The following DOCK4 variants were observed in gnomAD, a reference collection of about 807,000 sequenced individuals.
The protein encoded by DOCK4 is dedicator of cytokinesis 4.
In DOCK4, 97 loss-of-function variants were observed where a neutral mutation model predicts 268.1. The observed-to-expected ratio is 0.36, with a 90% CI of 0.31 to 0.43. The LOEUF (loss-of-function observed/expected upper bound fraction) is 0.43, where lower values mean the gene tolerates loss of function less well. Ranked by LOEUF, DOCK4 falls within the 20% of genes least tolerant of loss-of-function variation. The pLI is 1.00. For synonymous variants in DOCK4, 954 were observed against 887.2 expected (o/e 1.08, Z -1.34); for missense variants, 2,145 against 2,455.7 (o/e 0.87, Z 2.67).
At chr7:112,172,958 A>C (rs2116619965) in intron 1 of DOCK4, among the ~76,000 whole-genome samples, 1 of 152,318 alleles carries the variant, frequency 6.6e-6, no homozygotes, top group Non-Finnish European at 1.5e-5. Context: ...AACCCACAGG[A>C]TACAGTCTCA....
chr7:111,877,559 T>C (rs1303066894), intron 16 of DOCK4, among the ~76,000 whole-genome samples: 2 of 152,228 alleles, frequency 1.3e-5, no homozygotes, highest in Non-Finnish European at 2.9e-5. Flanking sequence ...TAAATCATAT[T>C]TGCAGTGACC....
chr7:111,732,690 A>G (rs902322343), intron 51 of DOCK4, among the ~76,000 whole-genome samples: 4 of 152,182 alleles, frequency 2.6e-5, no homozygotes, highest in Admixed American at 2.0e-4. Flanking sequence ...GTGAGCACCA[A>G]TGGGAACACC....
intron 1 of DOCK4, among the ~76,000 whole-genome samples, chr7:112,017,028 T>A (rs983119402): frequency 6.6e-6 from 1 of 152,196 alleles, no homozygotes; most frequent in Non-Finnish European, 1.5e-5. Flanking sequence ...TGAATCAAAC[T>A]CTCTAGCTTC....
chr7:112,071,679 A>G (rs1807595990), intron 1 of DOCK4, among the ~76,000 whole-genome samples: 1 of 152,254 alleles, frequency 6.6e-6, no homozygotes, highest in Non-Finnish European at 1.5e-5. Context: ...ATCCTTTAAA[A>G]TATTTTCTAA....
intron 1 of DOCK4, among the ~76,000 whole-genome samples, chr7:112,173,842 G>T (rs886466747): frequency 1.3e-5 from 2 of 152,102 alleles, no homozygotes; most frequent in African/African-American, 4.8e-5. Context: ...CAACAATGCA[G>T]TGACCAAAAT....
intron 7 of DOCK4, among the ~76,000 whole-genome samples, chr7:111,980,078 C>T (rs1381964786): frequency 6.6e-6 from 1 of 152,180 alleles, no homozygotes; most frequent in African/African-American, 2.4e-5. Flanking sequence ...GCAAACTAAA[C>T]AATGTATTGT....
intron 39 of DOCK4, among the ~76,000 whole-genome samples, chr7:111,762,782 T>TTTTTTTTTTTTTTTTTTTTTTTTTC: frequency 1.4e-5 from 2 of 138,224 alleles, no homozygotes; most frequent in African/African-American, 2.7e-5. Flanking sequence ...TTTTTTTTTT[T>TTTTTTTTTTTTTTTTTTTTTTTTTC]TTTTGGAGAC....
intron 30 of DOCK4, among the ~76,000 whole-genome samples, chr7:111,794,470 G>C (rs1235194906): frequency 1.3e-5 from 2 of 152,340 alleles, no homozygotes; most frequent in African/African-American, 4.8e-5. Flanking sequence ...GGGCACACAT[G>C]TGCCGGGACA....
intron 10 of DOCK4, among the ~76,000 whole-genome samples, chr7:111,941,832 A>G (rs1355997193): frequency 2.0e-5 from 3 of 152,216 alleles, no homozygotes. Context: ...ATAAGGGAAT[A>G]AGGTTGATGG....
intron 42 of DOCK4, among the ~76,000 whole-genome samples, chr7:111,753,015 G>GGT (rs3055472): frequency 1.5e-5 from 2 of 130,188 alleles, no homozygotes; most frequent in Admixed American, 8.0e-5. Context: ...TGGGGGGGGG[G>GGT]TCTGTGATTT....
intron 16 of DOCK4, among the ~76,000 whole-genome samples, chr7:111,887,256 T>C (rs1331707867): frequency 6.6e-6 from 1 of 152,218 alleles, no homozygotes; most frequent in Non-Finnish European, 1.5e-5. Flanking sequence ...TTGGATATGC[T>C]GAGTGTGCAG....
At chr7:112,199,090 G>A (rs1286587581) in intron 1 of DOCK4, among the ~76,000 whole-genome samples, 2 of 152,180 alleles carry the variant, frequency 1.3e-5, no homozygotes, top group East Asian at 1.9e-4. Flanking sequence ...GTAACATGGC[G>A]TAATGGCTAA....
intron 1 of DOCK4, among the ~76,000 whole-genome samples, chr7:112,077,258 TA>T (rs1312519479): frequency 6.6e-6 from 1 of 152,082 alleles, no homozygotes; most frequent in Non-Finnish European, 1.5e-5. Flanking sequence ...AAAAATGCTA[TA>T]AAAGTTAGCC....
chr7:112,090,767 T>C (rs777936085), intron 1 of DOCK4, among the ~76,000 whole-genome samples: 1 of 152,190 alleles, frequency 6.6e-6, no homozygotes, highest in Non-Finnish European at 1.5e-5. Flanking sequence ...ATGCACTGAA[T>C]GGATGGGCAA....
intron 42 of DOCK4, among the ~76,000 whole-genome samples, chr7:111,750,122 G>A (rs1796534754): frequency 6.6e-6 from 1 of 152,154 alleles, no homozygotes; most frequent in African/African-American, 2.4e-5. Context: ...TTCAGGTCTG[G>A]GGCAGGAGAT....
intron 1 of DOCK4, among the ~76,000 whole-genome samples, chr7:112,179,094 T>C (rs1818780666): frequency 6.6e-6 from 1 of 152,168 alleles, no homozygotes. Flanking sequence ...TTCACAGAAA[T>C]AGAAATGGAG....
intron 31 of DOCK4, among the ~76,000 whole-genome samples, chr7:111,789,740 T>C (rs1294556422): frequency 3.9e-5 from 6 of 152,146 alleles, no homozygotes; most frequent in Admixed American, 2.6e-4. Context: ...TTCCTGAGAT[T>C]TGAGGGAGGC....
intron 1 of DOCK4, among the ~76,000 whole-genome samples, chr7:112,150,393 G>A (rs1815946062): frequency 6.6e-6 from 1 of 152,148 alleles, no homozygotes; most frequent in African/African-American, 2.4e-5. Context: ...CTGCCAACAT[G>A]CCGCTCCAAG....
intron 20 of DOCK4, 137 bp from the exon 21 acceptor site, chr7:111,869,792 T>G (rs1806265287): frequency 1.5e-6 from 1 of 683,572 alleles, no homozygotes; most frequent in East Asian, 3.1e-5. Context: ...CAATCTGCTG[T>G]ATAATAATTT....
Sources: gnomAD v4.1 joint callset for allele counts (sites outside exome capture counted in the v4.1 genomes callset) on GRCh38, gnomAD v4.1.1 for gene constraint, MANE v1.5 for transcripts, NCBI Gene and HGNC (gene_info 2026-07-23, HGNC 2026-07-21) for gene names.